The following CFAP99 variants were observed in gnomAD, a reference collection of about 807,000 sequenced individuals.
The protein encoded by CFAP99 is cilia and flagella associated protein 99, also known as cilia- and flagella-associated protein 99.
CFAP99 carries 84 observed loss-of-function variants against 82.7 expected under a neutral mutation model. The observed-to-expected ratio is 1.02, with a 90% CI of 0.85 to 1.22. The LOEUF (loss-of-function observed/expected upper bound fraction) is 1.22. Ranked by LOEUF, CFAP99 falls within the 50% of genes most tolerant of loss-of-function variation. CFAP99 has a pLI of 0.00. For synonymous variants in CFAP99, 456 were observed against 429.5 expected, an observed-to-expected ratio of 1.06 and a Z score of -0.76; for missense variants, 1,059 against 983.5, an observed-to-expected ratio of 1.08 and a Z score of -1.03.
In CFAP99 at chr4:2,433,600, CCTCA is replaced by C. The variant is rs748406486; in HGVS notation, c.112-3268_112-3265del. ...CACCGAGCCCCCTCTCCATGCCCAG[CCTCA>C]CTCACAGGATGTCACTGGGTCCCCG... On this transcript the variant is annotated intron_variant, in intron 2 of 14. Coordinates refer to ENST00000635017, the Ensembl canonical transcript of CFAP99. Among the ~76,000 whole-genome samples, 46 of 152,300 alleles carry C rather than the reference CCTCA, an allele frequency of 3.0e-4. No individual in the cohort carries two copies. The East Asian group carries it at 4.8e-3, about 16-fold the overall frequency.
intron 4 of CFAP99, among the ~76,000 whole-genome samples, chr4:2,441,757 C>G (rs1490532053): frequency 2.0e-5 from 3 of 151,962 alleles, no homozygotes. Context: ...CCTCGGGGCT[C>G]CAGGAAGAGG....
chr4:2,457,930 G>A (rs1201832323), intron 11 of CFAP99, among the ~76,000 whole-genome samples: 1 of 152,232 alleles, frequency 6.6e-6, no homozygotes, highest in Non-Finnish European at 1.5e-5. Flanking sequence ...CCCGAGACTT[G>A]TCCGCTGCCA....
At chr4:2,444,563 G>A (rs1734120480) in intron 5 of CFAP99, among the ~76,000 whole-genome samples, 1 of 152,088 alleles carries the variant, frequency 6.6e-6, no homozygotes, top group African/African-American at 2.4e-5. Flanking sequence ...TGTGGGACAT[G>A]GAAGGGGGAG....
At chr4:2,426,488 G>A in exon 2 of CFAP99, 1 of 1,535,892 alleles carries the variant, frequency 6.5e-7, no homozygotes, top group South Asian at 1.2e-5. Context: ...GGCCTACTAT[G>A]GAAAATGCAT....
intron 1 of CFAP99, among the ~76,000 whole-genome samples, chr4:2,424,912 G>C (rs535458384): frequency 1.3e-5 from 2 of 152,318 alleles, no homozygotes; most frequent in South Asian, 4.1e-4. Context: ...TTCAGTTCTA[G>C]GGCGTTTTCT....
chr4:2,462,971 C>T (rs1578487323), downstream of CFAP99: 1 of 1,093,514 alleles, frequency 9.1e-7, no homozygotes, highest in Non-Finnish European at 1.2e-6. This position sits in a 1 kb window ranked among gnomAD's most constrained non-coding sequence, Gnocchi z 4.1. Context: ...ACCCCCTACA[C>T]CCGCCGCCCC....
chr4:2,460,230 C>A (rs1245798545), exon 14 of CFAP99: 1 of 1,536,102 alleles, frequency 6.5e-7, no homozygotes, highest in Admixed American at 2.0e-5. Flanking sequence ...ATGGGGAGAT[C>A]CGCAGCCTTG....
chr4:2,447,874 T>C (rs1410507821), intron 6 of CFAP99, among the ~76,000 whole-genome samples: 1 of 143,878 alleles, frequency 7.0e-6, no homozygotes, highest in Non-Finnish European at 1.5e-5. Context: ...TATGGATAGA[T>C]AGATGGATGA....
At chr4:2,458,758 G>C in exon 12 of CFAP99, 1 of 1,535,694 alleles carries the variant, frequency 6.5e-7, no homozygotes, top group Non-Finnish European at 8.7e-7. Context: ...CAGAGAGACG[G>C]CTCCGGGAGG....
chr4:2,462,933 C>A lies in CFAP99; in HGVS notation c.*7C>A. 1 of 1,277,714 alleles carries A rather than the reference C, an allele frequency of 7.8e-7. No individual in the cohort carries two copies. Among genetic ancestry groups the A allele is most frequent in the South Asian group, 2.5e-5 (1 of 39,880 alleles). 79.1% of individuals were successfully genotyped at this position (1,277,714 alleles called of 1,614,324 possible). ...CCGCCTGGAGGCCGCCTGAGCCGGG[C>A]CGAGCGCGCCCCACCCGCTTGCGGG... On this transcript the variant is annotated 3_prime_UTR_variant, in exon 15 of 15. Transcript: ENST00000635017. This position sits in a 1 kb window ranked among gnomAD's most constrained non-coding sequence, Gnocchi z 4.1.
At chr4:2,441,093 T>C (rs1734027460) in intron 4 of CFAP99, among the ~76,000 whole-genome samples, 1 of 149,780 alleles carries the variant, frequency 6.7e-6, no homozygotes, top group African/African-American at 2.5e-5. Context: ...ATAATAATAA[T>C]AATTGTTGAG....
At position 2,462,657 on chromosome 4, in the gene CFAP99, T is replaced by A. The variant is rs375117180; in HGVS notation, c.1876T>A (p.Trp626Arg). ...CGGGCGACTGAAAGCCGGGGCCGGG[T>A]GGGGATGGCGGGCGCGGCGCGCAGG... is the stretch of plus-strand genomic sequence containing the variant. Residue 626 changes from tryptophan to arginine, a missense_variant, in exon 15 of 15, where the codon TGG (tryptophan) becomes AGG (arginine). Transcript: ENST00000635017. This position sits in a 1 kb window ranked among gnomAD's most constrained non-coding sequence, Gnocchi z 4.1. 3.7e-3 allele frequency: 4,747 copies of A among 1,274,728 alleles called. 257 individuals carry two copies. The South Asian group carries it at 0.099, about 27-fold the overall frequency. The allele number at this position is 1,274,728 out of a possible 1,614,324, so 79.0% of individuals were successfully genotyped here.
chr4:2,459,210 A>T, exon 13 of CFAP99: 3 of 1,535,616 alleles, frequency 2.0e-6, no homozygotes, highest in Non-Finnish European at 2.6e-6. Context: ...AGCTGCGCGC[A>T]CTCGAGACAC....
intron 1 of CFAP99, among the ~76,000 whole-genome samples, chr4:2,421,270 G>T (rs1733578369): frequency 6.6e-6 from 1 of 151,496 alleles, no homozygotes; most frequent in South Asian, 2.1e-4. Context: ...TGTGTCTGAT[G>T]GAATTTAAAC....
intron 13 of CFAP99, 123 bp downstream of exon 13, chr4:2,459,381 C>A: frequency 1.7e-6 from 2 of 1,181,016 alleles, no homozygotes; most frequent in Non-Finnish European, 2.3e-6. Context: ...TGAAACCTGG[C>A]CCGCCACCCT....
intron 1 of CFAP99, among the ~76,000 whole-genome samples, chr4:2,424,415 T>C (rs754832821): frequency 3.8e-4 from 57 of 151,826 alleles, no homozygotes; most frequent in Non-Finnish European, 7.1e-4. Context: ...AGCACGCCAT[T>C]GCACTCCAGC....
chr4:2,429,675 T>C (rs1179223974), intron 2 of CFAP99, among the ~76,000 whole-genome samples: 7 of 151,360 alleles, frequency 4.6e-5, no homozygotes, highest in African/African-American at 1.7e-4. Flanking sequence ...CACTGCAAGC[T>C]CCGCCTCCTG....
intron 2 of CFAP99, among the ~76,000 whole-genome samples, chr4:2,433,893 G>A (rs1733852262): frequency 6.6e-6 from 1 of 152,202 alleles, no homozygotes; most frequent in African/African-American, 2.4e-5. Flanking sequence ...GACTCCGAGG[G>A]AGCTGGGCAC....
rs934215229 is a variant in CFAP99, at chr4:2,462,034, G to A, written c.1662-409G>A. ...CTGCTAGGCGCCGTGGCTCACGCCT[G>A]TAATCCCAGCATTTTGGGAGGCTGA... On this transcript the variant is annotated intron_variant, in intron 14 of 14. Transcript: ENST00000635017. The surrounding 1 kb of genome is among the most constrained non-coding windows in gnomAD (Gnocchi z 4.1). Among the ~76,000 whole-genome samples the A allele has an allele frequency of 1.3e-5, 2 of 151,794 alleles. No individual in the cohort carries two copies. The highest frequency in any genetic ancestry group is 3.8e-4 in the East Asian group (2 of 5,196).
Sources: gnomAD v4.1 joint callset for allele counts (sites outside exome capture counted in the v4.1 genomes callset) on GRCh38, gnomAD v4.1.1 for gene constraint, Gnocchi (gnomAD v3.1) non-coding constraint, MANE v1.5 for transcripts, NCBI Gene and HGNC (gene_info 2026-07-23, HGNC 2026-07-21) for gene names.